Variants in SORBS2 observed in about 807,000 individuals in gnomAD.
SORBS2 encodes the protein sorbin and SH3 domain-containing protein 2.
SORBS2 carries 46 observed loss-of-function variants against 97.7 expected under a neutral mutation model. That is an observed-to-expected ratio of 0.47 (90% CI 0.37 to 0.60). SORBS2 has a LOEUF of 0.60. SORBS2 is among the 20% of genes least tolerant of loss of function. The probability of loss-of-function intolerance (pLI) is 0.00; values close to 1 mark genes in which losing one functional copy is unlikely to be tolerated. For synonymous variants in SORBS2, 476 were observed against 473.4 expected (o/e 1.01, Z -0.07); for missense variants, 1,316 against 1,282.3 (o/e 1.03, Z -0.40).
chr4:185,640,536 T>G (rs1248397851), intron 4 of SORBS2, among the ~76,000 whole-genome samples: 1 of 152,224 alleles, frequency 6.6e-6, no homozygotes. Flanking sequence ...TTATATTTGG[T>G]TTACACCTCA....
intron 2 of SORBS2, among the ~76,000 whole-genome samples, chr4:185,709,441 G>A (rs2098397818): frequency 6.6e-6 from 1 of 151,580 alleles, no homozygotes; most frequent in African/African-American, 2.4e-5. Flanking sequence ...ATAATTATTG[G>A]TGACTTTCTC....
intron 1 of SORBS2, among the ~76,000 whole-genome samples, chr4:185,905,123 G>T (rs760438281): frequency 6.6e-6 from 1 of 151,604 alleles, no homozygotes; most frequent in Non-Finnish European, 1.5e-5. Context: ...AAGAAAGAAA[G>T]AAAGAAAGAA....
Position 185,607,893 on chromosome 4 carries a change from A to T in SORBS2, c.2796+3887T>A, listed in dbSNP as rs2096461174. Among the ~76,000 whole-genome samples the T allele has an allele frequency of 6.6e-6, 1 of 152,058 alleles. No homozygotes were observed. The highest frequency in any genetic ancestry group is 2.4e-5 in the African/African-American group (1 of 41,386). ...ATTTTTAGTAGAGACGGGTTTCACC[A>T]TGTTGGCCAGGCTGGTCTTGAACTC... On this transcript the variant is annotated intron_variant, in intron 12 of 14. Coordinates refer to ENST00000418609, the Ensembl canonical transcript of SORBS2. This position sits in a 1 kb window ranked among gnomAD's most constrained non-coding sequence, Gnocchi z 5.2.
rs139401341 is a variant in SORBS2 at position 185,945,822 on chromosome 4, C to T, written c.-338+10374G>A. On this transcript the variant is annotated intron_variant, in intron 1 of 20. Transcript: ENST00000284776. The stretch of plus-strand genomic sequence containing the variant: ...CCATGTGCCCGGAAATGGAGGGCTT[C>T]GGGCCGGAGTAAGAAGTGACTGATG... Among the ~76,000 whole-genome samples, 586 of 152,072 alleles carry T rather than the reference C, an allele frequency of 3.9e-3. 6 individuals carry two copies. The highest frequency in any genetic ancestry group is 0.013 in the African/African-American group (551 of 41,464).
At chr4:185,697,111 C>T (rs1397657034) in intron 2 of SORBS2, among the ~76,000 whole-genome samples, 2 of 152,208 alleles carry the variant, frequency 1.3e-5, no homozygotes, top group African/African-American at 2.4e-5. Context: ...TCTATGCATC[C>T]GAACAATTTA....
intron 4 of SORBS2, among the ~76,000 whole-genome samples, chr4:185,668,576 T>C (rs924100251): frequency 6.6e-6 from 1 of 152,190 alleles, no homozygotes; most frequent in African/African-American, 2.4e-5. Flanking sequence ...GAATATACCC[T>C]GTAGACCCAA....
chr4:185,945,413 G>T (rs1473408743), intron 1 of SORBS2, among the ~76,000 whole-genome samples: 4 of 152,138 alleles, frequency 2.6e-5, no homozygotes, highest in Non-Finnish European at 5.9e-5. Context: ...TTTGACTGAG[G>T]TTAGGTCAAG....
At chr4:185,609,686 C>A (rs1436417891) in intron 12 of SORBS2, among the ~76,000 whole-genome samples, 1 of 152,152 alleles carries the variant, frequency 6.6e-6, no homozygotes, top group African/African-American at 2.4e-5. Flanking sequence ...TTTAGTCTCC[C>A]CTAAGACAAA....
exon 7 of SORBS2, chr4:185,622,934 T>C: frequency 3.1e-6 from 5 of 1,611,418 alleles, no homozygotes; most frequent in Non-Finnish European, 3.4e-6. Flanking sequence ...ACCGCCACGG[T>C]CTTGGTGGTG....
At chr4:185,778,822 T>C (rs897774674) in intron 1 of SORBS2, among the ~76,000 whole-genome samples, 3 of 151,118 alleles carry the variant, frequency 2.0e-5, no homozygotes, top group Non-Finnish European at 4.4e-5. Flanking sequence ...AAAGAGGATC[T>C]TGTTAACCCC....
chr4:185,776,039 G>A (rs1047871384), intron 1 of SORBS2: 1 of 152,164 alleles, frequency 6.6e-6, no homozygotes, highest in Admixed American at 6.5e-5. Context: ...TTCTGGTTGG[G>A]TCACTGGCAA....
chr4:185,762,761 T>G (rs997429347), intron 2 of SORBS2, among the ~76,000 whole-genome samples: 1 of 152,240 alleles, frequency 6.6e-6, no homozygotes, highest in Non-Finnish European at 1.5e-5. Context: ...GTGTCATTTC[T>G]CTCAGTGTGT....
At chr4:185,913,051 A>T (rs536390724) in intron 1 of SORBS2, among the ~76,000 whole-genome samples, 3 of 152,214 alleles carry the variant, frequency 2.0e-5, no homozygotes. Flanking sequence ...GCAGGGTTGC[A>T]TTAAAAAATG....
chr4:185,811,823 C>T (rs1205791969), intron 1 of SORBS2: 1 of 152,514 alleles, frequency 6.6e-6, no homozygotes, highest in East Asian at 1.9e-4. Context: ...CACACACCTG[C>T]TTTTTCAGAC....
At chr4:185,726,623 ATATAT>A (rs1171159731) in intron 2 of SORBS2, among the ~76,000 whole-genome samples, 1 of 150,726 alleles carries the variant, frequency 6.6e-6, no homozygotes, top group Non-Finnish European at 1.5e-5. Flanking sequence ...TAGATGTATA[ATATAT>A]TATATATATA....
At chr4:185,693,971 T>G (rs1245788522) in intron 2 of SORBS2, among the ~76,000 whole-genome samples, 2 of 152,218 alleles carry the variant, frequency 1.3e-5, no homozygotes, top group Non-Finnish European at 2.9e-5. Flanking sequence ...CTTCCCATTG[T>G]TTTAGATGTC....
At chr4:185,937,786 C>T (rs1021452820) in intron 1 of SORBS2, among the ~76,000 whole-genome samples, 3 of 152,114 alleles carry the variant, frequency 2.0e-5, no homozygotes, top group African/African-American at 4.8e-5. Context: ...CAGCAGGGAC[C>T]GGCATCCAGC....
intron 1 of SORBS2, among the ~76,000 whole-genome samples, chr4:185,836,538 T>G (rs1198618050): frequency 6.6e-6 from 1 of 152,208 alleles, no homozygotes; most frequent in African/African-American, 2.4e-5. Flanking sequence ...CCAAGTGCTT[T>G]AGGGAAATCG....
At chr4:185,851,688 T>C (rs1264312389) in intron 1 of SORBS2, among the ~76,000 whole-genome samples, 2 of 152,072 alleles carry the variant, frequency 1.3e-5, no homozygotes, top group African/African-American at 4.8e-5. Context: ...GTGGGCACCA[T>C]CTAATCAGCT....
Sources: gnomAD v4.1 joint callset for allele counts (sites outside exome capture counted in the v4.1 genomes callset) on GRCh38, gnomAD v4.1.1 for gene constraint, Gnocchi (gnomAD v3.1) non-coding constraint, MANE v1.5 for transcripts, NCBI Gene and HGNC (gene_info 2026-07-23, HGNC 2026-07-21) for gene names.